The following CSNK1A1 variants were observed in gnomAD, a reference collection of about 807,000 sequenced individuals.
CSNK1A1 encodes the protein casein kinase 1 alpha 1, also known as casein kinase I isoform alpha.
CSNK1A1 carries 7 observed loss-of-function variants against 46.1 expected under a neutral mutation model. That is an observed-to-expected ratio of 0.15 (90% CI 0.09 to 0.29). The LOEUF (loss-of-function observed/expected upper bound fraction) is 0.29, where lower values mean the gene tolerates loss of function less well. CSNK1A1 is among the 10% of genes least tolerant of loss of function. CSNK1A1 has a pLI of 1.00. For synonymous variants in CSNK1A1, 137 were observed against 141.5 expected (o/e 0.97, Z 0.23); for missense variants, 96 against 417.1 (o/e 0.23, Z 6.71).
Position 149,550,413 on chromosome 5 carries a change from G to GA in CSNK1A1, c.124-233dup. The GA allele has an allele frequency of 1.6e-6, 2 of 1,260,730 alleles. No individual in the cohort carries two copies. Among genetic ancestry groups the GA allele is most frequent in the East Asian group, 3.1e-5 (1 of 32,600 alleles). The allele number at this position is 1,260,730 out of a possible 1,614,324, so 78.1% of individuals were successfully genotyped here. On this transcript the variant is annotated intron_variant, in intron 1 of 9. Coordinates refer to ENST00000377843, the MANE Select transcript of CSNK1A1 (RefSeq NM_001892.6). This position sits in a 1 kb window ranked among gnomAD's most constrained non-coding sequence, Gnocchi z 4.3. ...AAAGTGCAGGAAAATGATTCATCCA[G>GA]AAAAAAGAGGCAACCTCTGAACGTA...
intron 2 of CSNK1A1, among the ~76,000 whole-genome samples, chr5:149,549,777 A>C (rs908209192): frequency 1.3e-5 from 2 of 152,250 alleles, no homozygotes; most frequent in African/African-American, 4.8e-5. Context: ...AAAAGGCAGC[A>C]GCCAACCCTT....
At chr5:149,506,410 T>G (rs1181524393) in intron 8 of CSNK1A1, among the ~76,000 whole-genome samples, 1 of 151,950 alleles carries the variant, frequency 6.6e-6, no homozygotes, top group South Asian at 2.1e-4. Flanking sequence ...CTAATTTTTG[T>G]ATTTTTAGTA....
rs577791541 is a variant in CSNK1A1, at chr5:149,497,120, T to C, written c.1007-260A>G. On this transcript the variant is annotated intron_variant, in intron 9 of 9. Coordinates refer to ENST00000377843, the MANE Select transcript of CSNK1A1 (RefSeq NM_001892.6). The stretch of plus-strand genomic sequence containing the variant: ...AAGCCTCTCAGCATACTAAAATAAT[T>C]ATTAGTAATTCAAATGAGCATGTTT... The C allele has an allele frequency of 1.1e-4, 129 of 1,213,082 alleles. 2 individuals carry two copies. Among genetic ancestry groups the C allele is most frequent in the Admixed American group, 8.8e-4 (22 of 24,942 alleles). The allele number at this position is 1,213,082 out of a possible 1,614,324, so 75.1% of individuals were successfully genotyped here.
intron 2 of CSNK1A1, chr5:149,549,301 C>A (rs943380461): frequency 1.0e-5 from 6 of 577,334 alleles, no homozygotes; most frequent in Non-Finnish European, 1.9e-5. Flanking sequence ...CCGACTGAAA[C>A]GTGCCAAATA....
Position 149,509,834 on chromosome 5 carries a change from C to G in CSNK1A1, c.750+45G>C. ...GGGATTACAGGTGTGAGCCATTGTG[C>G]CTGGCTTCATTTATATTTTTTTAAT... is the stretch of plus-strand genomic sequence containing the variant. On this transcript the variant is annotated intron_variant, in intron 7 of 9. Coordinates refer to ENST00000377843, the MANE Select transcript of CSNK1A1 (RefSeq NM_001892.6). 2 of 1,445,578 alleles carry G rather than the reference C, an allele frequency of 1.4e-6. 1 individual carries two copies. The highest frequency in any genetic ancestry group is 4.9e-4 in the Middle Eastern group (2 of 4,070). 89.5% of individuals were successfully genotyped at this position (1,445,578 alleles called of 1,614,324 possible). A position where few individuals can be genotyped will look rare whatever the true frequency, so the allele number is the denominator to read the frequency against.
intron 3 of CSNK1A1, among the ~76,000 whole-genome samples, chr5:149,522,166 G>A (rs1348773167): frequency 6.6e-6 from 1 of 152,074 alleles, no homozygotes; most frequent in African/African-American, 2.4e-5. Context: ...GGGGTGCAGT[G>A]ACGAGATCAC....
chr5:149,533,656 T>C (rs73798238), intron 2 of CSNK1A1, among the ~76,000 whole-genome samples: 33 of 151,690 alleles, frequency 2.2e-4, no homozygotes, highest in Non-Finnish European at 2.5e-4. Flanking sequence ...TCACAAATAA[T>C]TGAGCGGGGA....
At chr5:149,533,204 A>G (rs1459140403) in intron 2 of CSNK1A1, among the ~76,000 whole-genome samples, 7 of 152,244 alleles carry the variant, frequency 4.6e-5, no homozygotes, top group Admixed American at 3.9e-4. Flanking sequence ...CAAAGTTACT[A>G]TTCATTTATC....
At chr5:149,547,965 G>T (rs1229035968) in intron 2 of CSNK1A1, among the ~76,000 whole-genome samples, 1 of 151,920 alleles carries the variant, frequency 6.6e-6, no homozygotes, top group South Asian at 2.1e-4. Flanking sequence ...CCGACTCCCG[G>T]GTTCAAGCTA....
At chr5:149,498,598 AGATTAAACAG>A (rs139236363) in intron 9 of CSNK1A1, 155,829 of 984,598 alleles carry the variant, frequency 0.16, 12,525 homozygotes, top group Non-Finnish European at 0.17. Flanking sequence ...GAAATTAAAC[AGATTAAACAG>A]GATTAAACAG....
intron 2 of CSNK1A1, among the ~76,000 whole-genome samples, chr5:149,531,374 A>G (rs1235543637): frequency 1.3e-5 from 2 of 151,742 alleles, no homozygotes; most frequent in East Asian, 3.9e-4. Context: ...ATCTCTAATA[A>G]AAATACAAAA....
intron 4 of CSNK1A1, among the ~76,000 whole-genome samples, chr5:149,515,991 A>G (rs986785117): frequency 1.3e-5 from 2 of 152,206 alleles, no homozygotes; most frequent in African/African-American, 4.8e-5. Context: ...AATGCAGCCT[A>G]TTCTTCAAAG....
chr5:149,499,318 G>C lies in CSNK1A1; in HGVS notation c.1007-2458C>G, dbSNP rs368613709. 9.9e-5 allele frequency: 65 copies of C among 656,946 alleles called. No homozygotes were observed. The African/African-American group carries it at 1.2e-3, about 12-fold the overall frequency. 40.7% of individuals were successfully genotyped at this position (656,946 alleles called of 1,614,324 possible). A position where few individuals can be genotyped will look rare whatever the true frequency, so the allele number is the denominator to read the frequency against. On this transcript the variant is annotated intron_variant, in intron 9 of 9. Transcript: ENST00000377843. Reference sequence around the variant, plus strand: ...CCTTAAAAAAAAAGGGGAGGGGGAGGGGGGAGTTAAAACAGAGTTGGAGGA... The same window carrying C: ...CCTTAAAAAAAAAGGGGAGGGGGAGCGGGGAGTTAAAACAGAGTTGGAGGA...
At chr5:149,534,482 CAAAAAAAAAAAAAA>C (rs10597922) in intron 2 of CSNK1A1, among the ~76,000 whole-genome samples, 4 of 94,986 alleles carry the variant, frequency 4.2e-5, no homozygotes, top group African/African-American at 8.5e-5. Context: ...GACTCTGTCT[CAAAAAAAAAAAAAA>C]AAAAAAAAAA....
In CSNK1A1 at chr5:149,542,637, TA is replaced by T. The variant is rs1561772505; in HGVS notation, c.230+7437del. Reference sequence around the variant, plus strand: ...ATATATATATATATATATATATATATATGTATATATATATATATATATATAT... The same window carrying T: ...ATATATATATATATATATATATATATTGTATATATATATATATATATATAT... On this transcript the variant is annotated intron_variant, in intron 2 of 9. Coordinates refer to ENST00000377843, the MANE Select transcript of CSNK1A1 (RefSeq NM_001892.6). 5.1e-3 allele frequency among the ~76,000 whole-genome samples: 60 copies of T among 11,682 alleles called. 6 individuals carry two copies. The highest frequency in any genetic ancestry group is 0.015 in the South Asian group (4 of 268). The allele number at this position is 11,682 out of a possible 152,430, so 7.7% of individuals were successfully genotyped here.
chr5:149,546,590 A>G (rs1179866459), intron 2 of CSNK1A1, among the ~76,000 whole-genome samples: 3 of 151,724 alleles, frequency 2.0e-5, no homozygotes, highest in Non-Finnish European at 4.4e-5. Context: ...CCAAGACTGT[A>G]CCACTGCACT....
chr5:149,549,535 C>T, intron 2 of CSNK1A1: 1 of 701,386 alleles, frequency 1.4e-6, no homozygotes, highest in Non-Finnish European at 2.6e-6. Flanking sequence ...ATCAAGGAAG[C>T]ATAATTTGTG....
At chr5:149,547,370 T>C (rs1762515330) in intron 2 of CSNK1A1, among the ~76,000 whole-genome samples, 3 of 152,264 alleles carry the variant, frequency 2.0e-5, no homozygotes, top group Admixed American at 1.3e-4. Flanking sequence ...CTTATGGGTC[T>C]GTATCAGGTC....
chr5:149,498,879 A>C, intron 9 of CSNK1A1: 1 of 985,468 alleles, frequency 1.0e-6, no homozygotes, highest in Non-Finnish European at 1.2e-6. Context: ...AGAAAACTTC[A>C]GAATGTATCT....
Sources: gnomAD v4.1 joint callset for allele counts (sites outside exome capture counted in the v4.1 genomes callset) on GRCh38, gnomAD v4.1.1 for gene constraint, Gnocchi (gnomAD v3.1) non-coding constraint, MANE v1.5 for transcripts, NCBI Gene and HGNC (gene_info 2026-07-23, HGNC 2026-07-21) for gene names.